Variants in POLDIP3 observed in about 807,000 individuals in gnomAD.
POLDIP3 encodes the protein polymerase delta-interacting protein 3.
POLDIP3 carries 14 observed loss-of-function variants against 45.1 expected under a neutral mutation model. That is an observed-to-expected ratio of 0.31 (90% CI 0.20 to 0.49). POLDIP3 has a LOEUF of 0.49. Among genes scored for constraint, POLDIP3 ranks in the 20% least tolerant of loss-of-function variants. The probability of loss-of-function intolerance (pLI) is 0.99; values close to 1 mark genes in which losing one functional copy is unlikely to be tolerated. For synonymous variants in POLDIP3, 223 were observed against 205.2 expected, an observed-to-expected ratio of 1.09 and a Z score of -0.74; for missense variants, 511 against 538.8, an observed-to-expected ratio of 0.95 and a Z score of 0.51.
chr22:42,607,095 T>C (rs1374101986), intron 1 of POLDIP3, among the ~76,000 whole-genome samples: 1 of 152,144 alleles, frequency 6.6e-6, no homozygotes, highest in Non-Finnish European at 1.5e-5. Context: ...CAAAACCCTG[T>C]CTCTACAAAA....
rs1925174133 is a variant in POLDIP3 at position 42,584,533 on chromosome 22, C to G, written c.*1258G>C. 4.7e-6 allele frequency: 1 copy of G among 213,202 alleles called. No homozygotes were observed. Among genetic ancestry groups the G allele is most frequent in the Admixed American group, 5.3e-5 (1 of 18,980 alleles). 13.2% of individuals were successfully genotyped at this position (213,202 alleles called of 1,614,324 possible). A position where few individuals can be genotyped will look rare whatever the true frequency, so the allele number is the denominator to read the frequency against. ...AACCGTGCTCCCCAACTGGCTCCAGCTCTGCCAGCCTGGATTCTCTTCACT... is the reference window on the plus strand; with the variant it reads ...AACCGTGCTCCCCAACTGGCTCCAGGTCTGCCAGCCTGGATTCTCTTCACT... On this transcript the variant is annotated 3_prime_UTR_variant, in exon 9 of 9. Coordinates refer to ENST00000252115, the MANE Select transcript of POLDIP3 (RefSeq NM_032311.5).
intron 1 of POLDIP3, among the ~76,000 whole-genome samples, chr22:42,605,418 G>A (rs1926661739): frequency 6.6e-6 from 1 of 152,198 alleles, no homozygotes; most frequent in Non-Finnish European, 1.5e-5. Flanking sequence ...GAGCCACTGC[G>A]CCCGGCAGTT....
At chr22:42,600,732 G>C (rs1926309963) in intron 3 of POLDIP3, among the ~76,000 whole-genome samples, 1 of 152,194 alleles carries the variant, frequency 6.6e-6, no homozygotes, top group South Asian at 2.1e-4. Context: ...CACTTTGGGA[G>C]GCCAAGGTGG....
chr22:42,610,613 G>A (rs543154063), intron 1 of POLDIP3, among the ~76,000 whole-genome samples: 3 of 152,156 alleles, frequency 2.0e-5, no homozygotes, highest in South Asian at 2.1e-4. Context: ...ATATCTAAAG[G>A]AAGAAACTGC....
At chr22:42,609,072 A>C (rs912378418) in intron 1 of POLDIP3, among the ~76,000 whole-genome samples, 1 of 152,148 alleles carries the variant, frequency 6.6e-6, no homozygotes. Context: ...GTAGGTCTCT[A>C]AAACACAGAC....
intron 1 of POLDIP3, among the ~76,000 whole-genome samples, chr22:42,605,734 T>C (rs1174466832): frequency 2.6e-5 from 4 of 151,762 alleles, no homozygotes. Flanking sequence ...AAAGAAATGG[T>C]TGTATGTGGT....
At chr22:42,597,137 C>T (rs1198056467) in intron 4 of POLDIP3, among the ~76,000 whole-genome samples, 1 of 152,144 alleles carries the variant, frequency 6.6e-6, no homozygotes, top group Non-Finnish European at 1.5e-5. Flanking sequence ...TTTGGCAGTG[C>T]AGATCACCAA....
rs1264037804 is a variant in POLDIP3 at position 42,584,846 on chromosome 22, C to G, written c.*945G>C. 2.2e-6 allele frequency: 1 copy of G among 454,864 alleles called. No individual in the cohort carries two copies. Among genetic ancestry groups the G allele is most frequent in the Non-Finnish European group, 4.4e-6 (1 of 226,370 alleles). 28.2% of individuals were successfully genotyped at this position (454,864 alleles called of 1,614,324 possible). The stretch of plus-strand genomic sequence containing the variant: ...ACCACTGTCCTGTAGACAACTGAGG[C>G]CAGAAATGGAGAGCCAGGAACAAAC... On this transcript the variant is annotated 3_prime_UTR_variant, in exon 9 of 9. Transcript: ENST00000252115.
At position 42,585,693 on chromosome 22, in the gene POLDIP3, G is replaced by A. The variant is rs1925261343; in HGVS notation, c.*98C>T. On this transcript the variant is annotated 3_prime_UTR_variant, in exon 9 of 9. Coordinates refer to ENST00000252115, the MANE Select transcript of POLDIP3 (RefSeq NM_032311.5). ...TCCCTGGCAACCCTTCCCACAATCA[G>A]GGGTCTCCAGTCCGATGGCCCATTG... 7.2e-7 allele frequency: 1 copy of A among 1,392,074 alleles called. No homozygotes were observed. Among genetic ancestry groups the A allele is most frequent in the Non-Finnish European group, 9.8e-7 (1 of 1,019,992 alleles). The allele number at this position is 1,392,074 out of a possible 1,614,324, so 86.2% of individuals were successfully genotyped here.
intron 1 of POLDIP3, among the ~76,000 whole-genome samples, chr22:42,614,156 C>A (rs561361030): frequency 4.3e-4 from 65 of 152,306 alleles, no homozygotes; most frequent in African/African-American, 1.5e-3. Flanking sequence ...TGGCCTCGGG[C>A]AAGTCACTCT....
At chr22:42,601,696 G>A (rs978941125) in intron 3 of POLDIP3, among the ~76,000 whole-genome samples, 2 of 152,236 alleles carry the variant, frequency 1.3e-5, no homozygotes, top group Admixed American at 6.5e-5. Context: ...GGGAGGCAGA[G>A]GTTGCAGTGA....
chr22:42,589,942 CATAAT>C (rs1445688375), intron 7 of POLDIP3, among the ~76,000 whole-genome samples: 1 of 147,730 alleles, frequency 6.8e-6, no homozygotes, highest in Non-Finnish European at 1.5e-5. Context: ...AGCAACAAGA[CATAAT>C]AGACATGTAC....
chr22:42,592,645 G>C (rs574960010), intron 6 of POLDIP3, among the ~76,000 whole-genome samples: 2 of 152,310 alleles, frequency 1.3e-5, no homozygotes, highest in South Asian at 2.1e-4. Flanking sequence ...TCTGCTATGA[G>C]ACGTCTAGCA....
rs1204494814 is a variant in POLDIP3, at chr22:42,585,255, C to T, written c.*536G>A. ...GGGGAGAGGACAAGAGGCCTGAGAC[C>T]TGCTCCCCACCCAGGCACCTCCACT... On this transcript the variant is annotated 3_prime_UTR_variant, in exon 9 of 9. Transcript: ENST00000252115. 1.9e-6 allele frequency: 1 copy of T among 516,006 alleles called. No homozygotes were observed. The highest frequency in any genetic ancestry group is 2.0e-5 in the Admixed American group (1 of 51,194). The allele number at this position is 516,006 out of a possible 1,614,324, so 32.0% of individuals were successfully genotyped here. A position where few individuals can be genotyped will look rare whatever the true frequency, so the allele number is the denominator to read the frequency against.
At chr22:42,590,312 C>T (rs1401558202) in intron 7 of POLDIP3, among the ~76,000 whole-genome samples, 1 of 152,202 alleles carries the variant, frequency 6.6e-6, no homozygotes, top group Admixed American at 6.5e-5. Context: ...CCTCAGCCTC[C>T]CCAGCATCTG....
Position 42,585,543 on chromosome 22 carries a change from A to T in POLDIP3, c.*248T>A, listed in dbSNP as rs1925250335. ...GAGGCTCGGGGAGGCACACACTGAA[A>T]AACACAAGCCTACCTTGGCGATGAG... On this transcript the variant is annotated 3_prime_UTR_variant, in exon 9 of 9. Coordinates refer to ENST00000252115, the MANE Select transcript of POLDIP3 (RefSeq NM_032311.5). 1 of 497,122 alleles carries T rather than the reference A, an allele frequency of 2.0e-6. No individual in the cohort carries two copies. Among genetic ancestry groups the T allele is most frequent in the African/African-American group, 2.0e-5 (1 of 51,260 alleles). 30.8% of individuals were successfully genotyped at this position (497,122 alleles called of 1,614,324 possible). A position where few individuals can be genotyped will look rare whatever the true frequency, so the allele number is the denominator to read the frequency against.
chr22:42,601,960 C>A lies in POLDIP3; in HGVS notation c.537+10G>T. The A allele has an allele frequency of 6.2e-7, 1 of 1,612,964 alleles. No homozygotes were observed. Among genetic ancestry groups the A allele is most frequent in the Non-Finnish European group, 8.5e-7 (1 of 1,179,154 alleles). ...AGATTCTCTCTCTCTCTCTCACTCACTCACTCTACCTGTTTGGCCTGGTGG... is the reference window on the plus strand; with the variant it reads ...AGATTCTCTCTCTCTCTCTCACTCAATCACTCTACCTGTTTGGCCTGGTGG... On this transcript the variant is annotated intron_variant, in intron 3 of 8. Transcript: ENST00000252115.
At chr22:42,597,594 C>A in intron 4 of POLDIP3, 1 of 414,356 alleles carries the variant, frequency 2.4e-6, no homozygotes, top group South Asian at 1.8e-5. Context: ...CAACAGTACC[C>A]ATCTCACAGG....
chr22:42,602,563 C>CT (rs3216842), intron 2 of POLDIP3, among the ~76,000 whole-genome samples: 15,260 of 151,552 alleles, frequency 0.1, 1,732 homozygotes, highest in East Asian at 0.69. Context: ...CCTCCTTTTT[C>CT]TTTTTTTTTA....
Sources: gnomAD v4.1 joint callset for allele counts (sites outside exome capture counted in the v4.1 genomes callset) on GRCh38, gnomAD v4.1.1 for gene constraint, MANE v1.5 for transcripts, NCBI Gene and HGNC (gene_info 2026-07-23, HGNC 2026-07-21) for gene names.